C8orf76: variants seen among roughly 807,000 people sequenced by gnomAD.
C8orf76 encodes the protein uncharacterized protein C8orf76.
In C8orf76, 46 loss-of-function variants were observed where a neutral mutation model predicts 38.1. The ratio of observed to expected loss-of-function variants is 1.21; its 90% CI spans 0.95 to 1.54. The LOEUF (loss-of-function observed/expected upper bound fraction) is 1.54, where lower values mean the gene tolerates loss of function less well. C8orf76 is among the 40% of genes most tolerant of loss of function. The pLI is 0.00. For synonymous variants in C8orf76, 166 were observed against 167.5 expected, an observed-to-expected ratio of 0.99 and a Z score of 0.07; for missense variants, 461 against 441.6, an observed-to-expected ratio of 1.04 and a Z score of -0.39.
intron 3 of C8orf76, among the ~76,000 whole-genome samples, chr8:123,236,629 C>T (rs912870863): frequency 1.1e-4 from 16 of 151,878 alleles, no homozygotes; most frequent in Admixed American, 6.6e-4. Flanking sequence ...ACTAAAAATA[C>T]AAAAATTAGC....
At chr8:123,231,223 T>G in intron 4 of C8orf76, 77 bp downstream of exon 4, 1 of 1,491,144 alleles carries the variant, frequency 6.7e-7, no homozygotes, top group Non-Finnish European at 8.9e-7. Context: ...CTAGAACTTT[T>G]TGAAGCTTAA....
At chr8:123,226,163 G>A in intron 5 of C8orf76, 1 of 1,090,268 alleles carries the variant, frequency 9.2e-7, no homozygotes, top group East Asian at 8.0e-5. Context: ...ATGAATGGAG[G>A]AAAAAAAATA....
intron 4 of C8orf76, 99 bp from the exon 5 acceptor site, chr8:123,226,731 C>A (rs1030064020): frequency 2.7e-6 from 4 of 1,469,534 alleles, no homozygotes; most frequent in East Asian, 4.8e-5. Flanking sequence ...GGTATTGAGT[C>A]GGCTGCAAGT....
rs1045987151 is a variant in C8orf76 at position 123,223,492 on chromosome 8, C to T, written c.948+3008G>A. On this transcript the variant is annotated intron_variant, in intron 5 of 5. Transcript: ENST00000276704. ...GCATGGTGGCACACGCCTGTAGTCC[C>T]ACCTACTTGGGAGGCTGAGACAGGA... Among the ~76,000 whole-genome samples the T allele has an allele frequency of 8.5e-5, 13 of 152,242 alleles. 1 individual carries two copies. The highest frequency in any genetic ancestry group is 2.6e-4 in the Admixed American group (4 of 15,288).
At chr8:123,221,890 T>C (rs996007817) in intron 5 of C8orf76, among the ~76,000 whole-genome samples, 18 of 152,292 alleles carry the variant, frequency 1.2e-4, no homozygotes, top group African/African-American at 3.6e-4. Context: ...GCCTGGGAGA[T>C]AGAGTGAGAC....
intron 1 of C8orf76, among the ~76,000 whole-genome samples, chr8:123,240,962 T>C (rs542114697): frequency 6.6e-6 from 1 of 152,106 alleles, no homozygotes; most frequent in African/African-American, 2.4e-5. Context: ...GGCAGGGGCG[T>C]TGAGACCAGC....
chr8:123,220,032 G>T lies in C8orf76; in HGVS notation c.*71C>A. The T allele has an allele frequency of 2.3e-6, 2 of 882,182 alleles. No individual in the cohort carries two copies. Among genetic ancestry groups the T allele is most frequent in the Non-Finnish European group, 3.4e-6 (2 of 593,794 alleles). 54.6% of individuals were successfully genotyped at this position (882,182 alleles called of 1,614,324 possible). The stretch of plus-strand genomic sequence containing the variant: ...CATTTATACTCCATGATTAGCAATG[G>T]ATCCTGTCTGAAGTAAACAAGGACA... On this transcript the variant is annotated 3_prime_UTR_variant, in exon 6 of 6. Coordinates refer to ENST00000276704, the MANE Select transcript of C8orf76 (RefSeq NM_032847.3).
rs368425076 is a variant in C8orf76 at position 123,241,370 on chromosome 8, G to A, written c.-24C>T. ...ATCTCGCGCCCGCGGCGGGGGCAAC[G>A]AGGAAGCGGGGCCCGCCGGAAAAGG... On this transcript the variant is annotated 5_prime_UTR_variant, in exon 1 of 6. Coordinates refer to ENST00000276704, the MANE Select transcript of C8orf76 (RefSeq NM_032847.3). 98 of 1,537,728 alleles carry A rather than the reference G, an allele frequency of 6.4e-5. 1 individual carries two copies. The African/African-American group carries it at 1.3e-3, about 20-fold the overall frequency.
intron 3 of C8orf76, among the ~76,000 whole-genome samples, chr8:123,236,547 G>A (rs368492744): frequency 1.3e-5 from 2 of 152,112 alleles, no homozygotes; most frequent in South Asian, 2.1e-4. Context: ...CCAGCACTTT[G>A]GGAGGCCGAG....
intron 1 of C8orf76, chr8:123,239,722 C>T (rs1485493458): frequency 6.6e-6 from 1 of 151,998 alleles, no homozygotes; most frequent in African/African-American, 2.4e-5. Context: ...AAGGCAGTGG[C>T]TTACACCTGT....
At chr8:123,240,089 C>T (rs1430954046) in intron 1 of C8orf76, 1 of 152,452 alleles carries the variant, frequency 6.6e-6, no homozygotes, top group East Asian at 1.9e-4. Context: ...TTTTCATATA[C>T]ATTATCTCAT....
At position 123,231,307 on chromosome 8, in the gene C8orf76, G is replaced by T. The variant is rs770840453; in HGVS notation, c.808C>A (p.Arg270=). 1 of 1,608,362 alleles carries T rather than the reference G, an allele frequency of 6.2e-7. No individual in the cohort carries two copies. Among genetic ancestry groups the T allele is most frequent in the Non-Finnish European group, 8.5e-7 (1 of 1,177,394 alleles). Residue 270 remains arginine, a synonymous_variant, in exon 4 of 6, where the codon CGA becomes AGA. Transcript: ENST00000276704. The part of the protein sequence containing the change: ...TQLKACASFI[R]TRLLLQFTQP... The stretch of plus-strand genomic sequence containing the variant: ...AAGTGACTCTCAGCTTACCTGGTTC[G>T]TATAAAAGAGGCACATGCTTTCAGC...
At chr8:123,221,352 C>T (rs949402690) in intron 5 of C8orf76, among the ~76,000 whole-genome samples, 46 of 152,182 alleles carry the variant, frequency 3.0e-4, no homozygotes, top group African/African-American at 1.1e-3. Flanking sequence ...ACCAACACTT[C>T]GGAAGGCCGA....
chr8:123,229,952 G>A (rs893224511), intron 4 of C8orf76, among the ~76,000 whole-genome samples: 4 of 152,074 alleles, frequency 2.6e-5, no homozygotes, highest in Non-Finnish European at 5.9e-5. Context: ...GGAGACAGAC[G>A]TTGCAGTGAG....
At chr8:123,224,724 G>A (rs544806521) in intron 5 of C8orf76, among the ~76,000 whole-genome samples, 1 of 152,142 alleles carries the variant, frequency 6.6e-6, no homozygotes, top group African/African-American at 2.4e-5. Flanking sequence ...CACATGCATT[G>A]TCTACACAGG....
chr8:123,224,649 C>G (rs1824980543), intron 5 of C8orf76, among the ~76,000 whole-genome samples: 1 of 152,140 alleles, frequency 6.6e-6, no homozygotes, highest in Non-Finnish European at 1.5e-5. Flanking sequence ...ACATTATAAT[C>G]CTAATTACAA....
chr8:123,241,335 C>T lies in C8orf76; in HGVS notation c.12G>A (p.Gly4=), dbSNP rs764625938. The change falls in exon 1 of 6, where the codon GGG becomes GGA. Residue 4 remains glycine (G), a synonymous_variant. Transcript: ENST00000276704. MDS[G]CWLFGGEFED... ...CGAACTCGCCGCCGAACAACCAGCACCCGGAATCCATCTCGCGCCCGCGGC... is the reference window on the plus strand; with the variant it reads ...CGAACTCGCCGCCGAACAACCAGCATCCGGAATCCATCTCGCGCCCGCGGC... 5 of 1,563,190 alleles carry T rather than the reference C, an allele frequency of 3.2e-6. No homozygotes were observed. The highest frequency in any genetic ancestry group is 2.3e-5 in the South Asian group (2 of 85,736).
intron 5 of C8orf76, among the ~76,000 whole-genome samples, chr8:123,222,069 A>G (rs1429316555): frequency 6.6e-6 from 1 of 152,044 alleles, no homozygotes; most frequent in East Asian, 1.9e-4. Flanking sequence ...GCTCACTGCA[A>G]CCTCTGCCTC....
intron 4 of C8orf76, among the ~76,000 whole-genome samples, chr8:123,228,212 A>G (rs926591785): frequency 6.6e-6 from 1 of 151,834 alleles, no homozygotes; most frequent in African/African-American, 2.4e-5. Flanking sequence ...TCTTTTTTTT[A>G]TTACCACTGT....
Sources: gnomAD v4.1 joint callset for allele counts (sites outside exome capture counted in the v4.1 genomes callset) on GRCh38, gnomAD v4.1.1 for gene constraint, MANE v1.5 for transcripts, NCBI Gene and HGNC (gene_info 2026-07-23, HGNC 2026-07-21) for gene names.